Variants in CCDC149 observed in about 807,000 individuals in gnomAD.
CCDC149 encodes the protein coiled-coil domain containing 149, also known as coiled-coil domain-containing protein 149.
In CCDC149, 45 loss-of-function variants were observed where a neutral mutation model predicts 59.9. The observed-to-expected ratio is 0.75, with a 90% CI of 0.59 to 0.96. CCDC149 has a LOEUF of 0.96. Ranked by LOEUF, CCDC149 falls within the 40% of genes least tolerant of loss-of-function variation. The pLI is 0.00. For synonymous variants in CCDC149, 245 were observed against 260.6 expected (o/e 0.94, Z 0.58); for missense variants, 584 against 664.7 (o/e 0.88, Z 1.33).
chr4:24,859,262 T>C (rs1485454403), intron 3 of CCDC149, among the ~76,000 whole-genome samples: 4 of 152,186 alleles, frequency 2.6e-5, no homozygotes, highest in Admixed American at 1.3e-4. Context: ...TACACTAATA[T>C]AAGTGTTCTG....
At chr4:24,952,147 T>C (rs1378766595) in intron 1 of CCDC149, among the ~76,000 whole-genome samples, 1 of 152,170 alleles carries the variant, frequency 6.6e-6, no homozygotes, top group East Asian at 1.9e-4. Flanking sequence ...TCTGGAAGCA[T>C]GGTGAAGCAT....
intron 4 of CCDC149, among the ~76,000 whole-genome samples, chr4:24,845,792 T>G (rs978213380): frequency 2.0e-5 from 3 of 152,174 alleles, no homozygotes; most frequent in African/African-American, 7.2e-5. Flanking sequence ...TGAGAACAAC[T>G]AAGGCACGAA....
chr4:24,832,657 T>A (rs1313174392), intron 8 of CCDC149, among the ~76,000 whole-genome samples: 1 of 152,182 alleles, frequency 6.6e-6, no homozygotes, highest in Non-Finnish European at 1.5e-5. Context: ...TTCAAAAAAT[T>A]CCTAATTTGT....
intron 1 of CCDC149, among the ~76,000 whole-genome samples, chr4:24,966,736 G>A (rs538056175): frequency 1.3e-5 from 2 of 152,358 alleles, no homozygotes; most frequent in East Asian, 3.9e-4. Flanking sequence ...GGGGGAGAAG[G>A]ACATTGCTGC....
intron 1 of CCDC149, among the ~76,000 whole-genome samples, chr4:24,930,973 C>T (rs1206558064): frequency 6.6e-6 from 1 of 152,058 alleles, no homozygotes; most frequent in Non-Finnish European, 1.5e-5. Context: ...CTGGTACTAC[C>T]TGCTTGGTGT....
intron 3 of CCDC149, among the ~76,000 whole-genome samples, chr4:24,860,444 C>G (rs1718306264): frequency 6.6e-6 from 1 of 152,168 alleles, no homozygotes; most frequent in African/African-American, 2.4e-5. Flanking sequence ...AAAGCCAACT[C>G]AAGATGGATG....
At chr4:24,812,987 G>A (rs1208757278) in intron 12 of CCDC149, among the ~76,000 whole-genome samples, 2 of 152,142 alleles carry the variant, frequency 1.3e-5, no homozygotes, top group East Asian at 3.9e-4. Context: ...ATCACCCTCA[G>A]TGCTGTAGAC....
chr4:24,846,899 A>G (rs1717324387), intron 4 of CCDC149, among the ~76,000 whole-genome samples: 1 of 152,188 alleles, frequency 6.6e-6, no homozygotes, highest in Non-Finnish European at 1.5e-5. Context: ...AAGTACCATA[A>G]TCTTTAAAGT....
chr4:24,889,892 T>A (rs1329648607), intron 1 of CCDC149, among the ~76,000 whole-genome samples: 4 of 152,210 alleles, frequency 2.6e-5, no homozygotes, highest in Non-Finnish European at 5.9e-5. Flanking sequence ...CTTTGCATAT[T>A]ATCAGCTCTT....
At chr4:24,883,920 A>G (rs1720000239) in intron 1 of CCDC149, among the ~76,000 whole-genome samples, 4 of 152,130 alleles carry the variant, frequency 2.6e-5, no homozygotes, top group Admixed American at 2.6e-4. Flanking sequence ...TTTCCATTAC[A>G]CATTCCAGGT....
At chr4:24,834,893 G>T in intron 8 of CCDC149, 55 bp downstream of exon 8, 1 of 1,332,348 alleles carries the variant, frequency 7.5e-7, no homozygotes, top group Non-Finnish European at 1.1e-6. Context: ...ATGTGGGCTT[G>T]CAGCTCTAGT....
At chr4:24,968,852 G>T (rs1011594230) in intron 1 of CCDC149, among the ~76,000 whole-genome samples, 14 of 152,208 alleles carry the variant, frequency 9.2e-5, no homozygotes, top group Non-Finnish European at 2.1e-4. Flanking sequence ...TGGCTAGTTG[G>T]CCACCAACCC....
chr4:24,970,697 T>C (rs577696202), intron 1 of CCDC149, among the ~76,000 whole-genome samples: 2 of 152,222 alleles, frequency 1.3e-5, no homozygotes, highest in East Asian at 3.9e-4. Flanking sequence ...TGACACAGGG[T>C]GGCCTTACCA....
At chr4:24,959,412 CCTG>C (rs1723573980) in intron 1 of CCDC149, among the ~76,000 whole-genome samples, 1 of 151,984 alleles carries the variant, frequency 6.6e-6, no homozygotes. Flanking sequence ...GTGTTGTTTC[CCTG>C]TTACTTGGCG....
At chr4:24,957,816 G>T (rs1026868762) in intron 1 of CCDC149, among the ~76,000 whole-genome samples, 5 of 152,306 alleles carry the variant, frequency 3.3e-5, no homozygotes, top group East Asian at 3.9e-4. Context: ...GAAAAAGTTT[G>T]CTGACTCCTG....
intron 1 of CCDC149, among the ~76,000 whole-genome samples, chr4:24,938,888 G>A (rs977180201): frequency 6.6e-6 from 1 of 152,250 alleles, no homozygotes; most frequent in Admixed American, 6.5e-5. Context: ...GGTAAACAAA[G>A]CGGCCGGGAA....
chr4:24,911,168 A>C (rs186220352), intron 1 of CCDC149, among the ~76,000 whole-genome samples: 18 of 152,316 alleles, frequency 1.2e-4, no homozygotes, highest in African/African-American at 4.1e-4. Context: ...CAAACAAAGC[A>C]CACGGCCTAG....
At chr4:24,977,283 G>A (rs1724246826) in intron 1 of CCDC149, among the ~76,000 whole-genome samples, 1 of 152,132 alleles carries the variant, frequency 6.6e-6, no homozygotes, top group African/African-American at 2.4e-5. Context: ...CTCCAAGCTG[G>A]CAGGTTGGAG....
chr4:24,967,814 G>A (rs755685772), intron 1 of CCDC149, among the ~76,000 whole-genome samples: 2 of 151,966 alleles, frequency 1.3e-5, no homozygotes, highest in African/African-American at 2.4e-5. Flanking sequence ...GGCTGTCAAT[G>A]AATCCAAGGT....
Sources: allele counts gnomAD v4.1 joint callset (sites outside exome capture counted in the v4.1 genomes callset), GRCh38; gene constraint gnomAD v4.1.1; transcripts MANE v1.5; gene names NCBI Gene and HGNC (gene_info 2026-07-23, HGNC 2026-07-21).